Variants in TNFRSF11A observed in about 807,000 individuals in gnomAD.
The protein encoded by TNFRSF11A is TNF receptor superfamily member 11a.
Under a neutral mutation model 55.7 loss-of-function variants are expected in TNFRSF11A, and 32 were observed. The ratio of observed to expected loss-of-function variants is 0.57; its 90% CI spans 0.43 to 0.77. The LOEUF is 0.77. Ranked by LOEUF, TNFRSF11A falls within the 30% of genes least tolerant of loss-of-function variation. The pLI is 0.00. For synonymous variants in TNFRSF11A, 311 were observed against 331.0 expected, an observed-to-expected ratio of 0.94 and a Z score of 0.65; for missense variants, 753 against 809.8, an observed-to-expected ratio of 0.93 and a Z score of 0.85.
chr18:62,373,580 A>G (rs966846228), intron 9 of TNFRSF11A, among the ~76,000 whole-genome samples: 24 of 152,240 alleles, frequency 1.6e-4, no homozygotes, highest in African/African-American at 5.8e-4. Context: ...ATAGATGAAC[A>G]TGAGACCACT....
chr18:62,388,285 C>G lies in TNFRSF11A; in HGVS notation c.*3251C>G, dbSNP rs546272400. ...TTCCAGCCACCTAGCTGGGCATGCT[C>G]TCATGGTGGTGTCGAGCCTGAGAAC... On this transcript the variant is annotated 3_prime_UTR_variant, in exon 10 of 10. Coordinates refer to ENST00000586569, the MANE Select transcript of TNFRSF11A (RefSeq NM_003839.4). The G allele has an allele frequency of 1.3e-5, 2 of 152,320 alleles. No homozygotes were observed. The highest frequency in any genetic ancestry group is 4.8e-5 in the African/African-American group (2 of 41,566). 9.4% of individuals were successfully genotyped at this position (152,320 alleles called of 1,614,324 possible). A position where few individuals can be genotyped will look rare whatever the true frequency, so the allele number is the denominator to read the frequency against.
At chr18:62,367,788 C>CTTTTTTTTTTTTTTTTTT (rs67721371) in intron 8 of TNFRSF11A, among the ~76,000 whole-genome samples, 19 of 78,672 alleles carry the variant, frequency 2.4e-4, no homozygotes, top group Non-Finnish European at 3.7e-4. Context: ...TCTTCTTCTT[C>CTTTTTTTTTTTTTTTTTT]TTTTTTTTTT....
intron 1 of TNFRSF11A, among the ~76,000 whole-genome samples, chr18:62,335,385 C>G (rs545547176): frequency 6.6e-6 from 1 of 152,204 alleles, no homozygotes; most frequent in Admixed American, 6.5e-5. Context: ...GGATCACAGG[C>G]ATGAGCCACC....
At chr18:62,332,603 G>A (rs189402252) in intron 1 of TNFRSF11A, among the ~76,000 whole-genome samples, 16 of 152,166 alleles carry the variant, frequency 1.1e-4, no homozygotes, top group Admixed American at 1.0e-3. Flanking sequence ...TTCTTTAATG[G>A]GGTAAAAACC....
At chr18:62,339,040 G>A (rs71352567) in intron 1 of TNFRSF11A, among the ~76,000 whole-genome samples, 1,830 of 152,242 alleles carry the variant, frequency 0.012, 20 homozygotes, top group Non-Finnish European at 0.02. Flanking sequence ...TCCTCCATGA[G>A]ATCCTAGCCC....
intron 1 of TNFRSF11A, among the ~76,000 whole-genome samples, chr18:62,342,266 G>A (rs1171119830): frequency 6.6e-6 from 1 of 151,648 alleles, no homozygotes; most frequent in South Asian, 2.1e-4. Context: ...GCCCGGCATG[G>A]TGGTGGGCAC....
intron 1 of TNFRSF11A, among the ~76,000 whole-genome samples, chr18:62,341,845 T>TTC (rs2046315741): frequency 6.7e-6 from 1 of 150,286 alleles, no homozygotes; most frequent in Non-Finnish European, 1.5e-5. Flanking sequence ...GCTTTTTTTT[T>TTC]TTTTTTTTTT....
chr18:62,358,235 T>C lies in TNFRSF11A; in HGVS notation c.428-13T>C. 6.2e-7 allele frequency: 1 copy of C among 1,604,036 alleles called. No homozygotes were observed. The highest frequency in any genetic ancestry group is 8.5e-7 in the Non-Finnish European group (1 of 1,179,196). On this transcript the variant is annotated splice_polypyrimidine_tract_variant and intron_variant, in intron 4 of 9. Coordinates refer to ENST00000586569, the MANE Select transcript of TNFRSF11A (RefSeq NM_003839.4). Reference sequence around the variant, plus strand: ...TGTTCTGTCTGGGTTGTTTTTTTTTTTTTTTCTCACAGTGCAGCTCAACAA... The same window carrying C: ...TGTTCTGTCTGGGTTGTTTTTTTTTCTTTTTCTCACAGTGCAGCTCAACAA...
rs562878874 is a variant in TNFRSF11A, at chr18:62,360,920, G to A, written c.617-760G>A. Among the ~76,000 whole-genome samples the A allele has an allele frequency of 5.3e-5, 8 of 152,252 alleles. No individual in the cohort carries two copies. In the East Asian group the frequency reaches 9.6e-4, roughly 18 times the overall value. ...GAGAACAATAGGCCACAGAATAACC[G>A]GGTTAACAAGCTTTGACCAAGAAAT... On this transcript the variant is annotated intron_variant, in intron 6 of 9. Transcript: ENST00000586569.
intron 7 of TNFRSF11A, among the ~76,000 whole-genome samples, chr18:62,362,829 C>CTTATTTAT (rs990621878): frequency 2.0e-5 from 3 of 152,028 alleles, no homozygotes; most frequent in Admixed American, 1.3e-4. Flanking sequence ...CAGTTGCTCT[C>CTTATTTAT]TTATTTATTT....
intron 7 of TNFRSF11A, among the ~76,000 whole-genome samples, chr18:62,363,980 A>T (rs1568487430): frequency 6.6e-6 from 1 of 152,176 alleles, no homozygotes; most frequent in African/African-American, 2.4e-5. Context: ...CTGGGGTCTC[A>T]ATATCGAGCA....
chr18:62,377,085 T>C (rs1329196616), intron 9 of TNFRSF11A, among the ~76,000 whole-genome samples: 5 of 152,116 alleles, frequency 3.3e-5, no homozygotes, highest in Non-Finnish European at 7.4e-5. Flanking sequence ...AGCAAATTTT[T>C]TGTATTTTTT....
In TNFRSF11A at chr18:62,368,909, G is replaced by A. The variant is rs1169132062; in HGVS notation, c.992G>A (p.Ser331Asn). The change falls in exon 9 of 10, where the codon AGC (serine) becomes AAC (asparagine). Residue 331 changes from serine (S) to asparagine (N), a missense_variant. By Grantham distance (46) the Ser-to-Asn change is conservative (BLOSUM62 1). Coordinates refer to ENST00000586569, the MANE Select transcript of TNFRSF11A (RefSeq NM_003839.4). ...GEDARMLSLV[S>N]KTEIEEDSFR... ...GATGCCAGGATGCTCTCATTGGTCA[G>A]CAAGACCGAGATAGAGGAAGACAGC... 2 of 1,614,252 alleles carry A rather than the reference G, an allele frequency of 1.2e-6. No individual in the cohort carries two copies. Among genetic ancestry groups the A allele is most frequent in the Admixed American group, 1.7e-5 (1 of 60,034 alleles).
chr18:62,369,276 T>A lies in TNFRSF11A; in HGVS notation c.1359T>A (p.Pro453=), dbSNP rs752251819. ...ADVCTGCRNP[P]GEDCEPLVGS... ...TCTGCACAGGCTGCCGGAACCCTCC[T>A]GGGGAGGACTGTGAACCCCTCGTGG... Residue 453 remains proline (P), a synonymous_variant, in exon 9 of 10, where the codon CCT becomes CCA. Coordinates refer to ENST00000586569, the MANE Select transcript of TNFRSF11A (RefSeq NM_003839.4). 3.1e-6 allele frequency: 5 copies of A among 1,613,166 alleles called. No individual in the cohort carries two copies. Among genetic ancestry groups the A allele is most frequent in the Non-Finnish European group, 4.2e-6 (5 of 1,179,906 alleles).
chr18:62,348,382 C>A, intron 2 of TNFRSF11A, 133 bp downstream of exon 2: 1 of 762,618 alleles, frequency 1.3e-6, no homozygotes, highest in Non-Finnish European at 2.3e-6. Context: ...TAATGTCTGT[C>A]ACTCTGAAGA....
At position 62,329,987 on chromosome 18, in the gene TNFRSF11A, T is replaced by G. The variant is rs776186118; in HGVS notation, c.75+4560T>G. ...TGTGTGTTTGTTTTGTGAGCCACCG[T>G]CGACTTTCAGCCTTTGAGTGCTTTG... On this transcript the variant is annotated intron_variant, in intron 1 of 9. Transcript: ENST00000586569. 4.6e-4 allele frequency among the ~76,000 whole-genome samples: 70 copies of G among 152,232 alleles called. 1 individual carries two copies. The highest frequency in any genetic ancestry group is 4.3e-3 in the Admixed American group (66 of 15,288).
intron 4 of TNFRSF11A, among the ~76,000 whole-genome samples, chr18:62,355,176 C>T (rs1909167234): frequency 6.6e-6 from 1 of 152,132 alleles, no homozygotes; most frequent in East Asian, 1.9e-4. Context: ...GAATTTTATC[C>T]TGATATATTT....
At chr18:62,339,383 CTCTG>C (rs1321651879) in intron 1 of TNFRSF11A, among the ~76,000 whole-genome samples, 1 of 152,210 alleles carries the variant, frequency 6.6e-6, no homozygotes, top group Non-Finnish European at 1.5e-5. Flanking sequence ...CCTTCCCTAT[CTCTG>C]TCTGTTTCCC....
At chr18:62,333,789 C>A (rs2046190372) in intron 1 of TNFRSF11A, among the ~76,000 whole-genome samples, 1 of 152,136 alleles carries the variant, frequency 6.6e-6, no homozygotes, top group Non-Finnish European at 1.5e-5. Context: ...TGGGGACACC[C>A]ATGCAAATGC....
Sources: gnomAD v4.1 joint callset for allele counts (sites outside exome capture counted in the v4.1 genomes callset) on GRCh38, gnomAD v4.1.1 for gene constraint, MANE v1.5 for transcripts, NCBI Gene and HGNC (gene_info 2026-07-23, HGNC 2026-07-21) for gene names.